The following STK31 variants were observed in gnomAD, a reference collection of about 807,000 sequenced individuals.
STK31 encodes serine/threonine-protein kinase 31.
Under a neutral mutation model 129.7 loss-of-function variants are expected in STK31, and 89 were observed. The observed-to-expected ratio is 0.69, with a 90% confidence interval of 0.58 to 0.82. The LOEUF is 0.82. Ranked by LOEUF, STK31 falls within the 40% of genes least tolerant of loss-of-function variation. The pLI, the probability that STK31 is intolerant of heterozygous loss-of-function variation, is 0.00. For missense variants in STK31, 1,187 were observed against 1,176.4 expected (o/e 1.01, Z -0.13); for synonymous variants, 448 against 395.3 (o/e 1.13, Z -1.58).
chr7:23,754,576 T>C, intron 10 of STK31, 102 bp downstream of exon 10: 1 of 1,294,584 alleles, frequency 7.7e-7, no homozygotes, highest in Non-Finnish European at 1.1e-6. Flanking sequence ...ATGTGCAGAA[T>C]GTGCAGATTT....
intron 23 of STK31, among the ~76,000 whole-genome samples, chr7:23,823,499 C>T (rs1004945656): frequency 3.3e-5 from 5 of 151,790 alleles, no homozygotes; most frequent in South Asian, 2.1e-4. Flanking sequence ...GGATATTAGC[C>T]CTTTGTCAGA....
chr7:23,816,098 G>T (rs998982857), intron 23 of STK31, among the ~76,000 whole-genome samples: 1 of 152,006 alleles, frequency 6.6e-6, no homozygotes, highest in South Asian at 2.1e-4. Context: ...CCTTAGAAAT[G>T]ATATTAAGGA....
chr7:23,817,555 C>T (rs920796492), intron 23 of STK31, among the ~76,000 whole-genome samples: 1 of 152,198 alleles, frequency 6.6e-6, no homozygotes, highest in Non-Finnish European at 1.5e-5. Context: ...TAGTCAGCAC[C>T]TTACAGATAC....
At chr7:23,715,348 T>G (rs1345568778) in intron 3 of STK31, among the ~76,000 whole-genome samples, 1 of 151,844 alleles carries the variant, frequency 6.6e-6, no homozygotes, top group Non-Finnish European at 1.5e-5. Context: ...TCAGGCATGG[T>G]GGCTCATGCC....
intron 16 of STK31, among the ~76,000 whole-genome samples, chr7:23,782,783 T>C (rs181796318): frequency 3.9e-5 from 6 of 152,214 alleles, no homozygotes; most frequent in Non-Finnish European, 8.8e-5. Context: ...ACAGCTGTTA[T>C]TTTAAAATGT....
intron 8 of STK31, among the ~76,000 whole-genome samples, chr7:23,743,971 G>GT (rs1262186571): frequency 6.6e-6 from 1 of 151,794 alleles, no homozygotes; most frequent in African/African-American, 2.4e-5. Flanking sequence ...CCAGGATAGA[G>GT]TGCAGTGGCA....
chr7:23,754,454 A>G lies in STK31; in HGVS notation c.1273A>G (p.Ile425Val), dbSNP rs144795242. Reference protein sequence around the residue: ...WAEYSLAQENIKTCEYVSEGN... With the variant: ...WAEYSLAQENVKTCEYVSEGN... The stretch of plus-strand genomic sequence containing the variant: ...AGAATACAGTCTGGCTCAGGAGAAT[A>G]TTAAAACTTGTGAATATGTGGTGAG... The change falls in exon 10 of 24, where the codon ATT (isoleucine) becomes GTT (valine). Residue 425 changes from isoleucine (I) to valine (V), a missense_variant. Transcript: ENST00000355870. The G allele has an allele frequency of 2.5e-6, 4 of 1,611,226 alleles. No individual in the cohort carries two copies. The highest frequency in any genetic ancestry group is 3.4e-5 in the Admixed American group (2 of 59,140).
At chr7:23,768,027 C>T (rs538533118) in intron 11 of STK31, among the ~76,000 whole-genome samples, 1 of 151,824 alleles carries the variant, frequency 6.6e-6, no homozygotes, top group South Asian at 2.1e-4. Context: ...TTTATTGTTA[C>T]TGTTATTTTT....
chr7:23,831,458 A>G (rs1161127984), intron 23 of STK31, among the ~76,000 whole-genome samples: 3 of 152,148 alleles, frequency 2.0e-5, no homozygotes, highest in Non-Finnish European at 4.4e-5. Context: ...TTTGTATGGA[A>G]CATCTTTTCC....
At chr7:23,826,113 T>C (rs1329251031) in intron 23 of STK31, among the ~76,000 whole-genome samples, 1 of 152,200 alleles carries the variant, frequency 6.6e-6, no homozygotes, top group Admixed American at 6.5e-5. Context: ...GTCTATTAGG[T>C]CCTCTTGGTG....
chr7:23,719,654 T>TA (rs1274119840), intron 4 of STK31, among the ~76,000 whole-genome samples: 1 of 152,110 alleles, frequency 6.6e-6, no homozygotes, highest in African/African-American at 2.4e-5. Context: ...GTAGAAATAC[T>TA]CCCAATTCTA....
chr7:23,774,933 C>T (rs768780436), intron 15 of STK31, among the ~76,000 whole-genome samples: 6 of 152,106 alleles, frequency 3.9e-5, no homozygotes, highest in Admixed American at 3.3e-4. Flanking sequence ...GTCTTTAATC[C>T]ACCTTGAATT....
chr7:23,740,479 G>A (rs1156623285), intron 8 of STK31, among the ~76,000 whole-genome samples: 3 of 152,068 alleles, frequency 2.0e-5, no homozygotes, highest in East Asian at 1.9e-4. Flanking sequence ...TTTTCATCAG[G>A]TGCTGTATTT....
chr7:23,775,081 T>C (rs924907336), intron 15 of STK31, among the ~76,000 whole-genome samples: 8 of 152,096 alleles, frequency 5.3e-5, no homozygotes, highest in African/African-American at 1.9e-4. Flanking sequence ...ATTTATTAAA[T>C]AGGGAATCCT....
In STK31 at chr7:23,832,162, T is replaced by A. The variant is rs759913903; in HGVS notation, c.2856T>A (p.Cys952Ter). 6.2e-7 allele frequency: 1 copy of A among 1,613,872 alleles called. No individual in the cohort carries two copies. Among genetic ancestry groups the A allele is most frequent in the Non-Finnish European group, 8.5e-7 (1 of 1,179,950 alleles). The change falls in exon 24 of 24, where the codon TGT (cysteine) becomes TGA (stop). Residue 952 changes from cysteine (C) to a stop codon, truncating the protein, a stop_gained. Transcript: ENST00000355870. LOFTEE classifies it high-confidence loss of function. ...HLDDKVKSLL[C>*]SLICYRSSMT... ...ATGATAAAGTCAAATCCCTCCTCTG[T>A]AGCTTGATATGTTATAGAAGTTCAA...
At chr7:23,732,748 C>T (rs988196566) in intron 6 of STK31, among the ~76,000 whole-genome samples, 2 of 152,140 alleles carry the variant, frequency 1.3e-5, no homozygotes, top group Admixed American at 6.6e-5. Flanking sequence ...TTTGAATTCA[C>T]GTATTGCCCA....
chr7:23,794,877 G>A (rs1435322396), intron 22 of STK31, among the ~76,000 whole-genome samples: 3 of 152,168 alleles, frequency 2.0e-5, no homozygotes, highest in Non-Finnish European at 4.4e-5. Context: ...GGTGACTTGG[G>A]TGCTTTTAAA....
intron 10 of STK31, among the ~76,000 whole-genome samples, chr7:23,757,802 C>T (rs978476606): frequency 2.0e-5 from 3 of 152,150 alleles, no homozygotes; most frequent in African/African-American, 4.8e-5. Flanking sequence ...TCCCTTCCCA[C>T]GAAGCCGTAT....
At chr7:23,789,006 G>C (rs1054415587) in intron 21 of STK31, among the ~76,000 whole-genome samples, 2 of 152,092 alleles carry the variant, frequency 1.3e-5, no homozygotes, top group South Asian at 4.1e-4. Flanking sequence ...TACACTTTCT[G>C]TCTCTATGGA....
Sources: gnomAD v4.1 joint callset for allele counts (sites outside exome capture counted in the v4.1 genomes callset) on GRCh38, gnomAD v4.1.1 for gene constraint, MANE v1.5 for transcripts, NCBI Gene and HGNC (gene_info 2026-07-23, HGNC 2026-07-21) for gene names.